Variants in NLGN2 observed in about 807,000 individuals in gnomAD.
NLGN2 encodes the protein neuroligin-2.
Under a neutral mutation model 48.6 loss-of-function variants are expected in NLGN2, and 11 were observed. The observed-to-expected ratio is 0.23, with a 90% CI of 0.14 to 0.37. NLGN2 has a LOEUF of 0.37. Ranked by LOEUF, NLGN2 falls within the 10% of genes least tolerant of loss-of-function variation. The probability of loss-of-function intolerance (pLI) is 1.00; values close to 1 mark genes in which losing one functional copy is unlikely to be tolerated. For synonymous variants in NLGN2, 548 were observed against 550.0 expected, an observed-to-expected ratio of 1.00 and a Z score of 0.05; for missense variants, 801 against 1,225.2, an observed-to-expected ratio of 0.65 and a Z score of 5.17.
chr17:7,417,122 C>T lies in NLGN2; in HGVS notation c.1831C>T (p.Leu611=). ...GGAGCTCGTGCCCCACCTGCACAAC[C>T]TGCACACGGAGCTCTTCACCACCAC... ...WLELVPHLHN[L]HTELFTTTTR... Residue 611 remains leucine (L), a synonymous_variant, in exon 7 of 7, where the codon CTG becomes TTG. Transcript: ENST00000302926. The T allele has an allele frequency of 1.9e-6, 3 of 1,612,002 alleles. No homozygotes were observed. Among genetic ancestry groups the T allele is most frequent in the Non-Finnish European group, 2.5e-6 (3 of 1,179,888 alleles).
At chr17:7,415,240 G>A (rs6503019) in intron 5 of NLGN2, 92 bp downstream of exon 5, 1,240,674 of 1,251,704 alleles carry the variant, frequency 0.99, 615,496 homozygotes, top group East Asian at 1. Flanking sequence ...TGGCAAGGAG[G>A]GATGGGCTTC....
intron 5 of NLGN2, 144 bp downstream of exon 5, chr17:7,415,292 G>A: frequency 1.1e-6 from 1 of 872,576 alleles, no homozygotes; most frequent in Non-Finnish European, 1.7e-6. Context: ...CCTTCCTTCA[G>A]TGGAGGTGCT....
At chr17:7,414,910 C>T (rs1907037139) in intron 4 of NLGN2, 46 bp from the exon 5 acceptor site, 1 of 1,613,328 alleles carries the variant, frequency 6.2e-7, no homozygotes, top group South Asian at 1.1e-5. Flanking sequence ...CCCTCTCCTT[C>T]AGGCCGGTAC....
chr17:7,408,328 G>GCCC lies in NLGN2; in HGVS notation c.75_77dup (p.Pro26dup). On this transcript the variant is annotated inframe_insertion, in exon 1 of 7. Transcript: ENST00000302926. The surrounding 1 kb of genome is among the most constrained non-coding windows in gnomAD (Gnocchi z 7.5). ...CGGGGGAGGGGGTCCCGGCGGCGGC[G>GCCC]CCCCGGGCGGCCCCGGCCTGGGCCT... 1.4e-6 allele frequency: 2 copies of GCCC among 1,411,762 alleles called. No homozygotes were observed. Among genetic ancestry groups the GCCC allele is most frequent in the African/African-American group, 1.5e-5 (1 of 65,808 alleles). 87.5% of individuals were successfully genotyped at this position (1,411,762 alleles called of 1,614,324 possible).
At chr17:7,414,902 C>G (rs201568017) in intron 4 of NLGN2, 54 bp downstream of exon 4, 193 of 1,613,354 alleles carry the variant, frequency 1.2e-4, no homozygotes, top group Non-Finnish European at 9.7e-5. Context: ...CAACTCCCCC[C>G]TCTCCTTCAG....
upstream of NLGN2, among the ~76,000 whole-genome samples, chr17:7,406,758 C>A (rs115106195): frequency 6.8e-3 from 1,025 of 151,666 alleles, 11 homozygotes; most frequent in African/African-American, 0.023. Context: ...AGAGCAGCAA[C>A]TGTAGGGGGG....
chr17:7,409,707 G>A (rs977436890), intron 1 of NLGN2, among the ~76,000 whole-genome samples: 9 of 152,032 alleles, frequency 5.9e-5, no homozygotes, highest in African/African-American at 1.9e-4. Context: ...AGCTCCTAAT[G>A]TACCCTGTAC....
In NLGN2 at chr17:7,413,924, CGGA is replaced by C. The variant is rs1412570606; in HGVS notation, c.509-415_509-413del. 2.6e-5 allele frequency among the ~76,000 whole-genome samples: 4 copies of C among 152,070 alleles called. No homozygotes were observed. Among genetic ancestry groups the C allele is most frequent in the African/African-American group, 7.2e-5 (3 of 41,384 alleles). ...TGGAGTGGAGGCCCAAGGCCTGAGTCGGAGGAGACACCAGGACCCTCCCAGCAG... is the reference window on the plus strand; with the variant it reads ...TGGAGTGGAGGCCCAAGGCCTGAGTCGGAGACACCAGGACCCTCCCAGCAG... On this transcript the variant is annotated intron_variant, in intron 2 of 6. Transcript: ENST00000302926. The surrounding 1 kb of genome is among the most constrained non-coding windows in gnomAD (Gnocchi z 4.9).
In NLGN2 at chr17:7,408,148, GC is replaced by G; in HGVS notation, c.-104del. The G allele has an allele frequency of 2.3e-6, 1 of 441,770 alleles. No individual in the cohort carries two copies. Among genetic ancestry groups the G allele is most frequent in the Non-Finnish European group, 3.6e-6 (1 of 276,696 alleles). The allele number at this position is 441,770 out of a possible 1,614,324, so 27.4% of individuals were successfully genotyped here. On this transcript the variant is annotated 5_prime_UTR_variant, in exon 1 of 7. Coordinates refer to ENST00000302926, the MANE Select transcript of NLGN2 (RefSeq NM_020795.4). This position sits in a 1 kb window ranked among gnomAD's most constrained non-coding sequence, Gnocchi z 7.5. ...ACCCCCTCCTCCCTCCTTTCCCCCC[GC>G]CCCTCCTCCCTCCTGGGGCGAGGGG...
At chr17:7,416,162 G>T (rs910754109) in intron 6 of NLGN2, 55 bp downstream of exon 6, 38 of 1,414,814 alleles carry the variant, frequency 2.7e-5, no homozygotes, top group African/African-American at 4.2e-5. Flanking sequence ...CCTTCACATG[G>T]CCGCCGTTCC....
At chr17:7,415,449 C>A in intron 5 of NLGN2, 62 bp from the exon 6 acceptor site, 2 of 1,445,670 alleles carry the variant, frequency 1.4e-6, no homozygotes, top group Non-Finnish European at 1.9e-6. Context: ...GTGGGCTTAG[C>A]AGGCCACAGG....
upstream of NLGN2, among the ~76,000 whole-genome samples, chr17:7,407,012 C>A (rs928726459): frequency 6.6e-6 from 1 of 152,134 alleles, no homozygotes; most frequent in Non-Finnish European, 1.5e-5. Context: ...GATTGGCCAA[C>A]AGGCAGGGCT....
chr17:7,415,901 T>C lies in NLGN2; in HGVS notation c.1428T>C (p.Ser476=). ...ATAKLHADYQ[S]PVYFYTFYHH... ...CCAAGCTGCACGCCGACTACCAGTC[T>C]CCCGTCTACTTTTACACCTTCTACC... Residue 476 remains serine (S), a synonymous_variant, in exon 6 of 7, where the codon TCT becomes TCC. Coordinates refer to ENST00000302926, the MANE Select transcript of NLGN2 (RefSeq NM_020795.4). The C allele has an allele frequency of 6.2e-7, 1 of 1,611,568 alleles. No individual in the cohort carries two copies. Among genetic ancestry groups the C allele is most frequent in the Non-Finnish European group, 8.5e-7 (1 of 1,177,998 alleles).
intron 2 of NLGN2, among the ~76,000 whole-genome samples, chr17:7,412,650 C>T (rs1906945062): frequency 6.6e-6 from 1 of 152,000 alleles, no homozygotes; most frequent in Non-Finnish European, 1.5e-5. Context: ...ACCATTGAAA[C>T]ATCAGAAGCC....
At position 7,408,749 on chromosome 17, in the gene NLGN2, C is replaced by T. The variant is rs779172370; in HGVS notation, c.457+37C>T. On this transcript the variant is annotated intron_variant, in intron 1 of 6. Transcript: ENST00000302926. This position sits in a 1 kb window ranked among gnomAD's most constrained non-coding sequence, Gnocchi z 7.5. ...GGCACAAAGCCGGGCACCCCGTGGA[C>T]ACAGCCCACAAACGCACATGCAGAC... 3.7e-6 allele frequency: 6 copies of T among 1,611,518 alleles called. No individual in the cohort carries two copies. In the East Asian group the frequency reaches 1.3e-4, roughly 36 times the overall value.
rs747195304 is a variant in NLGN2 at position 7,417,826 on chromosome 17, CGGCCCTCCCT to C, written c.*33_*42del. 5.9e-6 allele frequency: 8 copies of C among 1,350,148 alleles called. No individual in the cohort carries two copies. In the East Asian group the frequency reaches 1.8e-4, roughly 30 times the overall value. The allele number at this position is 1,350,148 out of a possible 1,614,324, so 83.6% of individuals were successfully genotyped here. On this transcript the variant is annotated 3_prime_UTR_variant, in exon 7 of 7. Coordinates refer to ENST00000302926, the MANE Select transcript of NLGN2 (RefSeq NM_020795.4). ...GGGTGGGTGGGGAGGCCCTCCTCCC[CGGCCCTCCCT>C]GGCCCGGCCACTCCGAAGGCAGGGA...
upstream of NLGN2, among the ~76,000 whole-genome samples, chr17:7,407,192 C>A (rs906121374): frequency 4.6e-5 from 7 of 152,208 alleles, no homozygotes; most frequent in East Asian, 5.8e-4. Context: ...TCCTCCAGAA[C>A]CCCCCTCCAG....
Position 7,415,774 on chromosome 17 carries a change from T to C in NLGN2, c.1301T>C (p.Met434Thr), listed in dbSNP as rs1370767977. The C allele has an allele frequency of 6.2e-7, 1 of 1,614,260 alleles. No homozygotes were observed. Among genetic ancestry groups the C allele is most frequent in the East Asian group, 2.2e-5 (1 of 44,882 alleles). The change falls in exon 6 of 7, where the codon ATG becomes ACG. Residue 434 changes from methionine (M) to threonine (T), a missense_variant. Transcript: ENST00000302926. ...KDVLRETIKFMYTDWADRDNG... is the reference protein window; with the variant it reads ...KDVLRETIKFTYTDWADRDNG... ...GTGCTTCGGGAGACCATCAAGTTTATGTACACAGACTGGGCCGACCGGGAC... is the reference window on the plus strand; with the variant it reads ...GTGCTTCGGGAGACCATCAAGTTTACGTACACAGACTGGGCCGACCGGGAC...
At position 7,415,966 on chromosome 17, in the gene NLGN2, C is replaced by T. The variant is rs1419451332; in HGVS notation, c.1493C>T (p.Ala498Val). 5 of 1,614,040 alleles carry T rather than the reference C, an allele frequency of 3.1e-6. No homozygotes were observed. The highest frequency in any genetic ancestry group is 2.2e-5 in the East Asian group (1 of 44,902). The change falls in exon 6 of 7, where the codon GCG becomes GTG. Residue 498 changes from alanine to valine, a missense_variant. By Grantham distance (64) the Ala-to-Val change is moderately conservative (BLOSUM62 0). Transcript: ENST00000302926. ...GAGGGCCGGCCTGAGTGGGCAGATG[C>T]GGCGCACGGGGATGAACTGCCCTAT... ...QAEGRPEWAD[A>V]AHGDELPYVF...
Sources: gnomAD v4.1 joint callset for allele counts (sites outside exome capture counted in the v4.1 genomes callset) on GRCh38, gnomAD v4.1.1 for gene constraint, Gnocchi (gnomAD v3.1) non-coding constraint, MANE v1.5 for transcripts, NCBI Gene and HGNC (gene_info 2026-07-23, HGNC 2026-07-21) for gene names.